KDM5A: variants seen among roughly 807,000 people sequenced by gnomAD.
The protein encoded by KDM5A is lysine-specific demethylase 5A.
A neutral mutation model predicts 193.5 loss-of-function variants in KDM5A; 42 were observed. The ratio of observed to expected loss-of-function variants is 0.22; its 90% CI spans 0.17 to 0.28. The LOEUF is 0.28. KDM5A is among the 10% of genes least tolerant of loss of function. The pLI is 1.00. For missense variants in KDM5A, 1,692 were observed against 2,055.1 expected (o/e 0.82, Z 3.42); for synonymous variants, 796 against 718.1 (o/e 1.11, Z -1.73).
chr12:321,070 T>C lies in KDM5A; in HGVS notation c.2466A>G (p.Thr822=), dbSNP rs1484912917. ...GGACAAAGGCCTTCAATTCTTCCACTGTCAGTTTGGTCCGAGTCCTCCCAC... is the reference window on the plus strand; with the variant it reads ...GGACAAAGGCCTTCAATTCTTCCACCGTCAGTTTGGTCCGAGTCCTCCCAC... The part of the protein sequence containing the change: ...PDSGRTRTKL[T]VEELKAFVQQ... Residue 822 remains threonine (T), a synonymous_variant, in exon 18 of 28, where the codon ACA becomes ACG. Coordinates refer to ENST00000399788, the MANE Select transcript of KDM5A (RefSeq NM_001042603.3). 1.9e-6 allele frequency: 3 copies of C among 1,614,016 alleles called. No individual in the cohort carries two copies. The African/African-American group carries it at 4.0e-5, about 22-fold the overall frequency.
chr12:351,177 T>A (rs956557738), intron 9 of KDM5A, among the ~76,000 whole-genome samples: 26 of 152,288 alleles, frequency 1.7e-4, no homozygotes, highest in Admixed American at 1.6e-3. Flanking sequence ...AAGTTCTACA[T>A]TGGGTATTTC....
chr12:296,121 C>G (rs953646941), intron 25 of KDM5A, among the ~76,000 whole-genome samples: 2 of 151,960 alleles, frequency 1.3e-5, no homozygotes, highest in Non-Finnish European at 2.9e-5. Flanking sequence ...GAGTTCGAAA[C>G]CAGCCTGACC....
At chr12:369,845 A>C (rs574890494) in intron 3 of KDM5A, among the ~76,000 whole-genome samples, 55 of 152,262 alleles carry the variant, frequency 3.6e-4, no homozygotes, top group Non-Finnish European at 4.6e-4. Flanking sequence ...TTGTATTCAA[A>C]GCATTTCAAG....
intron 3 of KDM5A, among the ~76,000 whole-genome samples, chr12:378,051 G>C (rs1200977757): frequency 6.6e-6 from 1 of 152,138 alleles, no homozygotes; most frequent in Non-Finnish European, 1.5e-5. Context: ...TAAAGTATGG[G>C]AGGATTTACA....
intron 10 of KDM5A, among the ~76,000 whole-genome samples, chr12:338,057 T>C (rs1034922133): frequency 4.6e-5 from 7 of 152,154 alleles, no homozygotes; most frequent in Non-Finnish European, 8.8e-5. Context: ...AGCAATATAT[T>C]AGAGAGACTG....
chr12:309,697 G>T (rs1033359059), intron 22 of KDM5A, 106 bp downstream of exon 22: 2 of 1,184,738 alleles, frequency 1.7e-6, no homozygotes, highest in Non-Finnish European at 2.5e-6. Flanking sequence ...TAAAGCCAAA[G>T]TATATGAAAA....
chr12:349,330 C>CTTT (rs749540223), intron 10 of KDM5A, among the ~76,000 whole-genome samples: 10 of 117,696 alleles, frequency 8.5e-5, no homozygotes, highest in South Asian at 5.5e-4. Context: ...ATCTTCTAGA[C>CTTT]TTTTTTTTTT....
chr12:295,576 CATG>C lies in KDM5A; in HGVS notation c.4449_4451del (p.Ile1483del), dbSNP rs1489735767. Reference sequence around the variant, plus strand: ...TAAATAAGTATTAAATCCACACCTCCATGATATGCAAGAATCTGTCTTCAGAGG... The same window carrying C: ...TAAATAAGTATTAAATCCACACCTCCATATGCAAGAATCTGTCTTCAGAGG... On this transcript the variant is annotated inframe_deletion, in exon 26 of 28. Coordinates refer to ENST00000399788, the MANE Select transcript of KDM5A (RefSeq NM_001042603.3). 8 of 1,613,456 alleles carry C rather than the reference CATG, an allele frequency of 5.0e-6. No homozygotes were observed. The highest frequency in any genetic ancestry group is 6.8e-6 in the Non-Finnish European group (8 of 1,179,512).
At chr12:374,139 T>C (rs1468426921) in intron 3 of KDM5A, among the ~76,000 whole-genome samples, 4 of 152,198 alleles carry the variant, frequency 2.6e-5, no homozygotes, top group Non-Finnish European at 5.9e-5. Context: ...ATATCCTTGT[T>C]AACTTTCTGT....
Position 281,109 on chromosome 12 carries a change from T to A in KDM5A, c.*4347A>T, listed in dbSNP as rs1342106452. 1 of 233,018 alleles carries A rather than the reference T, an allele frequency of 4.3e-6. No individual in the cohort carries two copies. 14.4% of individuals were successfully genotyped at this position (233,018 alleles called of 1,614,324 possible). ...GTGGGGAACCTGAGCATACACACAA[T>A]TTTTTAAATCTTTTAGATGTAATGC... On this transcript the variant is annotated 3_prime_UTR_variant, in exon 28 of 28. Coordinates refer to ENST00000399788, the MANE Select transcript of KDM5A (RefSeq NM_001042603.3).
At chr12:368,370 A>T (rs1294508482) in intron 3 of KDM5A, among the ~76,000 whole-genome samples, 2 of 152,150 alleles carry the variant, frequency 1.3e-5, no homozygotes, top group South Asian at 2.1e-4. Flanking sequence ...ACAATTTTTT[A>T]AAAAAAGATG....
chr12:380,088 C>T (rs539957702), intron 3 of KDM5A, among the ~76,000 whole-genome samples: 44 of 151,690 alleles, frequency 2.9e-4, no homozygotes, highest in African/African-American at 9.4e-4. Flanking sequence ...GCCAACATGA[C>T]GAAACCCCGT....
chr12:353,997 G>T, intron 8 of KDM5A, 79 bp downstream of exon 8: 1 of 1,039,140 alleles, frequency 9.6e-7, no homozygotes, highest in Non-Finnish European at 1.5e-6. Context: ...ACATATTTGG[G>T]AATATGTTTA....
chr12:345,233 T>C (rs1480386744), intron 10 of KDM5A, among the ~76,000 whole-genome samples: 1 of 152,026 alleles, frequency 6.6e-6, no homozygotes, highest in Non-Finnish European at 1.5e-5. Flanking sequence ...CCTAAATATA[T>C]ATGCACCCAA....
In KDM5A at chr12:381,240, T is replaced by C. The variant is rs560773035; in HGVS notation, c.366+2791A>G. Reference sequence around the variant, plus strand: ...AACTCCCGACCTCAAGTGATCCTCCTGCCTCAGCCTCCCAAAGTGCTGGGA... The same window carrying C: ...AACTCCCGACCTCAAGTGATCCTCCCGCCTCAGCCTCCCAAAGTGCTGGGA... On this transcript the variant is annotated intron_variant, in intron 3 of 27. Transcript: ENST00000399788. Among the ~76,000 whole-genome samples, 33 of 152,216 alleles carry C rather than the reference T, an allele frequency of 2.2e-4. No individual in the cohort carries two copies. In the Middle Eastern group the frequency reaches 0.01, roughly 47 times the overall value.
chr12:332,411 T>C (rs1474710542), intron 12 of KDM5A, among the ~76,000 whole-genome samples: 1 of 152,198 alleles, frequency 6.6e-6, no homozygotes, highest in Admixed American at 6.5e-5. Flanking sequence ...ACAATAATAC[T>C]GTATGTCTCT....
At chr12:316,547 G>T (rs1261571622) in intron 19 of KDM5A, among the ~76,000 whole-genome samples, 3 of 148,850 alleles carry the variant, frequency 2.0e-5, no homozygotes, top group Non-Finnish European at 4.4e-5. Context: ...TCAGAGACTG[G>T]GAAAACAAAG....
At chr12:335,432 T>C (rs1278921168) in intron 10 of KDM5A, among the ~76,000 whole-genome samples, 1 of 152,130 alleles carries the variant, frequency 6.6e-6, no homozygotes, top group Non-Finnish European at 1.5e-5. Flanking sequence ...AGGAGTACAG[T>C]GTGAGTTTTC....
chr12:340,466 C>T (rs764235155), intron 10 of KDM5A, among the ~76,000 whole-genome samples: 52 of 152,100 alleles, frequency 3.4e-4, no homozygotes, highest in Non-Finnish European at 6.3e-4. Context: ...GAGGCCAAGG[C>T]GGGCAAATCA....
Sources: allele counts gnomAD v4.1 joint callset (sites outside exome capture counted in the v4.1 genomes callset), GRCh38; gene constraint gnomAD v4.1.1; transcripts MANE v1.5; gene names NCBI Gene and HGNC (gene_info 2026-07-23, HGNC 2026-07-21).